Variants in ROBO2 observed in about 807,000 individuals in gnomAD.
ROBO2 encodes the protein roundabout homolog 2.
Under a neutral mutation model 160.8 loss-of-function variants are expected in ROBO2, and 53 were observed. The ratio of observed to expected loss-of-function variants is 0.33; its 90% CI spans 0.26 to 0.41. ROBO2 has a LOEUF of 0.41. ROBO2 is among the 10% of genes least tolerant of loss of function. ROBO2 has a pLI of 1.00. For synonymous variants in ROBO2, 664 were observed against 611.7 expected, an observed-to-expected ratio of 1.09 and a Z score of -1.26; for missense variants, 1,577 against 1,722.4, an observed-to-expected ratio of 0.92 and a Z score of 1.49.
chr3:77,212,435 G>A (rs2084303930), intron 2 of ROBO2, among the ~76,000 whole-genome samples: 1 of 152,176 alleles, frequency 6.6e-6, no homozygotes, highest in African/African-American at 2.4e-5. Flanking sequence ...TGTATCCTGA[G>A]ACTTTGCTGA....
intron 1 of ROBO2, among the ~76,000 whole-genome samples, chr3:77,093,139 G>T (rs1304933270): frequency 6.6e-6 from 1 of 151,922 alleles, no homozygotes; most frequent in Non-Finnish European, 1.5e-5. Flanking sequence ...CTTATCAAAC[G>T]GTATTGTGCA....
At chr3:75,942,598 A>G (rs537129095) in intron 2 of ROBO2, among the ~76,000 whole-genome samples, 1 of 152,264 alleles carries the variant, frequency 6.6e-6, no homozygotes, top group East Asian at 1.9e-4. Context: ...AATATTCAAC[A>G]CATAAAACCC....
intron 2 of ROBO2, among the ~76,000 whole-genome samples, chr3:76,935,384 C>T (rs1333617312): frequency 6.6e-6 from 1 of 152,162 alleles, no homozygotes; most frequent in African/African-American, 2.4e-5. Context: ...AACCTACAGA[C>T]CTAATTTTTG....
intron 2 of ROBO2, among the ~76,000 whole-genome samples, chr3:77,215,180 A>G (rs1426798932): frequency 6.6e-5 from 10 of 152,200 alleles, no homozygotes; most frequent in Non-Finnish European, 1.3e-4. Context: ...AGTGTTTTCC[A>G]ACTTGGTTCC....
intron 2 of ROBO2, among the ~76,000 whole-genome samples, chr3:75,948,669 C>T (rs1020769971): frequency 4.6e-5 from 7 of 152,060 alleles, no homozygotes; most frequent in African/African-American, 1.7e-4. Context: ...CAATCACTAT[C>T]GCTAGAATGT....
intron 2 of ROBO2, among the ~76,000 whole-genome samples, chr3:76,024,290 G>A (rs1458387212): frequency 6.6e-6 from 1 of 151,392 alleles, no homozygotes; most frequent in Non-Finnish European, 1.5e-5. Context: ...CGTTATGAAG[G>A]AGATGAAATT....
intron 2 of ROBO2, among the ~76,000 whole-genome samples, chr3:76,924,818 T>G (rs1275007847): frequency 6.6e-6 from 1 of 152,232 alleles, no homozygotes; most frequent in Admixed American, 6.5e-5. Flanking sequence ...TTTTCATTTT[T>G]TAAATCTGTG....
At chr3:77,634,219 A>G (rs1447124820) in intron 23 of ROBO2, 1 of 152,972 alleles carries the variant, frequency 6.5e-6, no homozygotes, top group Non-Finnish European at 1.5e-5. Flanking sequence ...ATACAATAAT[A>G]TTAATCAGAA....
rs1031654392 is a variant in ROBO2, at chr3:76,007,855, A to G, written c.109+70253A>G. On this transcript the variant is annotated intron_variant, in intron 2 of 26. Coordinates refer to the ROBO2 transcript ENST00000487694. ...GCCTTCTTGAACTTTATCTTAATGT[A>G]TATAAGAATTCTTCAAAAATCACAT... Among the ~76,000 whole-genome samples the G allele has an allele frequency of 3.3e-5, 5 of 152,320 alleles. 1 individual carries two copies. In the South Asian group the frequency reaches 6.2e-4, roughly 19 times the overall value.
intron 2 of ROBO2, among the ~76,000 whole-genome samples, chr3:76,573,077 G>A (rs994753397): frequency 6.6e-6 from 1 of 152,108 alleles, no homozygotes; most frequent in African/African-American, 2.4e-5. Context: ...ATTTTAATTA[G>A]TTAGTTTAGC....
At chr3:75,984,942 A>T (rs1158783229) in intron 2 of ROBO2, among the ~76,000 whole-genome samples, 1 of 151,494 alleles carries the variant, frequency 6.6e-6, no homozygotes, top group Non-Finnish European at 1.5e-5. Context: ...TAATACTCTT[A>T]TTTAAATGGG....
intron 2 of ROBO2, among the ~76,000 whole-genome samples, chr3:77,106,867 T>C (rs2072876786): frequency 6.6e-6 from 1 of 152,232 alleles, no homozygotes; most frequent in African/African-American, 2.4e-5. Context: ...CAAAAAATAC[T>C]CTATGAAAGC....
chr3:76,623,238 C>CTA (rs1578635231), intron 2 of ROBO2, among the ~76,000 whole-genome samples: 1 of 152,152 alleles, frequency 6.6e-6, no homozygotes, highest in East Asian at 1.9e-4. Context: ...TAGAGAAACA[C>CTA]TACAGAAATA....
chr3:76,155,482 T>C (rs2106878086), intron 2 of ROBO2, among the ~76,000 whole-genome samples: 1 of 152,254 alleles, frequency 6.6e-6, no homozygotes, highest in East Asian at 1.9e-4. Context: ...TAAATTATAA[T>C]GTTTGTGAAA....
chr3:75,980,280 G>T (rs2065240345), intron 2 of ROBO2, among the ~76,000 whole-genome samples: 2 of 151,688 alleles, frequency 1.3e-5, no homozygotes, highest in South Asian at 4.1e-4. Flanking sequence ...CCTTCAGAAT[G>T]ATGTCAGTGC....
At chr3:77,463,418 GTT>G (rs1334445475) in intron 2 of ROBO2, among the ~76,000 whole-genome samples, 4 of 151,970 alleles carry the variant, frequency 2.6e-5, no homozygotes, top group African/African-American at 9.7e-5. Context: ...CTCTAAATGT[GTT>G]TGTTTTTAGA....
chr3:76,048,951 T>C (rs2067549488), intron 2 of ROBO2, among the ~76,000 whole-genome samples: 3 of 152,176 alleles, frequency 2.0e-5, no homozygotes, highest in Admixed American at 1.3e-4. Context: ...TTCTTGAGTA[T>C]ACTTGAATAA....
At chr3:76,575,027 G>A (rs1159726378) in intron 2 of ROBO2, among the ~76,000 whole-genome samples, 2 of 152,000 alleles carry the variant, frequency 1.3e-5, no homozygotes, top group Admixed American at 6.6e-5. Flanking sequence ...TCAGTGAAAC[G>A]GAGAGAAAAC....
At chr3:76,082,128 C>A (rs1159480158) in intron 2 of ROBO2, among the ~76,000 whole-genome samples, 1 of 151,974 alleles carries the variant, frequency 6.6e-6, no homozygotes, top group Non-Finnish European at 1.5e-5. Context: ...CAATCACCGC[C>A]CTAAAGGTAG....
Sources: gnomAD v4.1 joint callset for allele counts (sites outside exome capture counted in the v4.1 genomes callset) on GRCh38, gnomAD v4.1.1 for gene constraint, MANE v1.5 for transcripts, NCBI Gene and HGNC (gene_info 2026-07-23, HGNC 2026-07-21) for gene names.